The following NKIRAS2 variants were observed in gnomAD, a reference collection of about 807,000 sequenced individuals.
NKIRAS2 encodes NF-kappa-B inhibitor-interacting Ras-like protein 2.
Under a neutral mutation model 20.7 loss-of-function variants are expected in NKIRAS2, and 15 were observed. The observed-to-expected ratio is 0.73, with a 90% CI of 0.49 to 1.12. NKIRAS2 has a LOEUF of 1.12. NKIRAS2 is among the 50% of genes most tolerant of loss of function. The pLI, the probability that NKIRAS2 is intolerant of heterozygous loss-of-function variation, is 0.00. For synonymous variants in NKIRAS2, 116 were observed against 101.4 expected (o/e 1.14, Z -0.87); for missense variants, 196 against 249.6 (o/e 0.79, Z 1.45).
Position 42,021,621 on chromosome 17 carries a change from TG to T in NKIRAS2, c.47del (p.Gly16AlafsTer15). ...GTGGTCGTGTGTGGCCAGGCGTCTGTGGGCAAAACTTCAATCCTGGAGCAGC... is the reference window on the plus strand; with the variant it reads ...GTGGTCGTGTGTGGCCAGGCGTCTGTGGCAAAACTTCAATCCTGGAGCAGC... ...CKVVVCGQAS[V>X]GKTSILEQLL... On this transcript the variant is annotated frameshift_variant, in exon 2 of 4. Coordinates refer to ENST00000393885, the MANE Select transcript of NKIRAS2 (RefSeq NM_017595.6). LOFTEE classifies it high-confidence loss of function. 1.2e-6 allele frequency: 2 copies of T among 1,614,180 alleles called. No individual in the cohort carries two copies. Among genetic ancestry groups the T allele is most frequent in the Non-Finnish European group, 1.7e-6 (2 of 1,180,022 alleles).
upstream of NKIRAS2, among the ~76,000 whole-genome samples, chr17:42,019,231 C>T (rs1439132478): frequency 6.6e-6 from 1 of 152,072 alleles, no homozygotes; most frequent in African/African-American, 2.4e-5. Context: ...TATGATCACA[C>T]CAATGTACTC....
At chr17:42,018,824 A>G (rs2052374953), upstream of NKIRAS2, among the ~76,000 whole-genome samples, 1 of 152,196 alleles carries the variant, frequency 6.6e-6, no homozygotes, top group Non-Finnish European at 1.5e-5. Context: ...CAGCTTCCAC[A>G]GCTGTATATC....
chr17:42,021,396 A>G (rs1203289764), intron 1 of NKIRAS2, 168 bp from the exon 2 acceptor site: 3 of 593,144 alleles, frequency 5.1e-6, no homozygotes, highest in Non-Finnish European at 9.2e-6. Flanking sequence ...CTGGAACTAT[A>G]CATTCAGTTT....
At chr17:42,022,832 C>T (rs1305777614) in intron 3 of NKIRAS2, among the ~76,000 whole-genome samples, 192 bp downstream of exon 3, 1 of 152,058 alleles carries the variant, frequency 6.6e-6, no homozygotes, top group Non-Finnish European at 1.5e-5. Flanking sequence ...CAAAAGAGGC[C>T]TCTTTGTGGT....
At position 42,024,021 on chromosome 17, in the gene NKIRAS2, C is replaced by T. The variant is rs951892562; in HGVS notation, c.*128C>T. The T allele has an allele frequency of 9.9e-6, 14 of 1,421,260 alleles. No individual in the cohort carries two copies. The highest frequency in any genetic ancestry group is 1.4e-5 in the South Asian group (1 of 70,680). The allele number at this position is 1,421,260 out of a possible 1,614,324, so 88.0% of individuals were successfully genotyped here. The stretch of plus-strand genomic sequence containing the variant: ...AGCCAGGGAGCTCCCCGCCAGGCCA[C>T]GCCCCAGCCACTTTGCTCCCTCTCA... On this transcript the variant is annotated 3_prime_UTR_variant, in exon 4 of 4. Coordinates refer to ENST00000393885, the MANE Select transcript of NKIRAS2 (RefSeq NM_017595.6).
In NKIRAS2 at chr17:42,024,682, G is replaced by A; in HGVS notation, c.*789G>A. 1 of 152,246 alleles carries A rather than the reference G, an allele frequency of 6.6e-6. No homozygotes were observed. Among genetic ancestry groups the A allele is most frequent in the South Asian group, 2.1e-4 (1 of 4,836 alleles). The allele number at this position is 152,246 out of a possible 1,614,324, so 9.4% of individuals were successfully genotyped here. ...CAGCTACCCGGGGAGGCTGAGGCAG[G>A]AGAATTGCTTGAACTCAGAAGGCGG... is the stretch of plus-strand genomic sequence containing the variant. On this transcript the variant is annotated 3_prime_UTR_variant, in exon 4 of 4. Transcript: ENST00000393885.
upstream of NKIRAS2, among the ~76,000 whole-genome samples, chr17:42,019,789 A>G (rs370770041): frequency 1.1e-4 from 17 of 152,382 alleles, no homozygotes; most frequent in East Asian, 1.2e-3. Context: ...GCCCTGCACC[A>G]GGCACAGACA....
At chr17:42,022,754 A>G (rs782045068) in intron 3 of NKIRAS2, 114 bp downstream of exon 3, 18 of 1,353,244 alleles carry the variant, frequency 1.3e-5, no homozygotes, top group Non-Finnish European at 1.8e-5. Flanking sequence ...GTTAGGAGCC[A>G]GAGGTGGGGT....
chr17:42,022,439 C>T lies in NKIRAS2; in HGVS notation c.135C>T (p.Gly45=). 1 of 1,600,090 alleles carries T rather than the reference C, an allele frequency of 6.2e-7. No individual in the cohort carries two copies. The highest frequency in any genetic ancestry group is 8.6e-7 in the Non-Finnish European group (1 of 1,168,944). Reference sequence around the variant, plus strand: ...AGACGCAGGAGGACATCTACGTGGGCTCCATTGAGACAGACCGGGGGGTGC... The same window carrying T: ...AGACGCAGGAGGACATCTACGTGGGTTCCATTGAGACAGACCGGGGGGTGC... ...MIETQEDIYV[G]SIETDRGVRE... Residue 45 remains glycine (G), a synonymous_variant, in exon 3 of 4, where the codon GGC becomes GGT. Coordinates refer to ENST00000393885, the MANE Select transcript of NKIRAS2 (RefSeq NM_017595.6).
rs1299259236 is a variant in NKIRAS2, at chr17:42,025,427, CTG to C, written c.*1537_*1538del. ...TGCAGAGTAAGCTTATTACCCACAA[CTG>C]TGCCCGCTTTGTGCTTCTAAGGTGC... On this transcript the variant is annotated 3_prime_UTR_variant, in exon 4 of 4. Transcript: ENST00000393885. 1.3e-5 allele frequency: 2 copies of C among 152,550 alleles called. No homozygotes were observed. Among genetic ancestry groups the C allele is most frequent in the African/African-American group, 2.4e-5 (1 of 41,406 alleles). 9.4% of individuals were successfully genotyped at this position (152,550 alleles called of 1,614,324 possible). A position where few individuals can be genotyped will look rare whatever the true frequency, so the allele number is the denominator to read the frequency against.
At chr17:42,019,068 C>G (rs965682343), upstream of NKIRAS2, among the ~76,000 whole-genome samples, 1 of 152,190 alleles carries the variant, frequency 6.6e-6, no homozygotes, top group Non-Finnish European at 1.5e-5. Flanking sequence ...TTTCCCAAAT[C>G]TATCTCCACC....
At chr17:42,018,480 T>C (rs1173581726), upstream of NKIRAS2, 1 of 152,236 alleles carries the variant, frequency 6.6e-6, no homozygotes, top group African/African-American at 2.4e-5. Flanking sequence ...GCTCATACTC[T>C]GCCTATCCCA....
chr17:42,019,866 G>A (rs1053277409), upstream of NKIRAS2, among the ~76,000 whole-genome samples: 18 of 152,238 alleles, frequency 1.2e-4, no homozygotes, highest in Non-Finnish European at 2.2e-4. Context: ...TACTCTGATC[G>A]CCTTTACAGA....
chr17:42,022,678 CAG>C, intron 3 of NKIRAS2, 38 bp downstream of exon 3: 2 of 1,588,110 alleles, frequency 1.3e-6, no homozygotes, highest in Non-Finnish European at 8.6e-7. Flanking sequence ...CCTCAGTGGT[CAG>C]AGAGTTTGGG....
chr17:42,024,107 C>T lies in NKIRAS2; in HGVS notation c.*214C>T, dbSNP rs1332035700. The T allele has an allele frequency of 3.0e-6, 2 of 657,822 alleles. No individual in the cohort carries two copies. Among genetic ancestry groups the T allele is most frequent in the South Asian group, 2.0e-5 (1 of 51,230 alleles). 40.7% of individuals were successfully genotyped at this position (657,822 alleles called of 1,614,324 possible). On this transcript the variant is annotated 3_prime_UTR_variant, in exon 4 of 4. Transcript: ENST00000393885. ...CCTTCCTCAGCCCTCCCAGCCTACT[C>T]CCCATCCCAGCTTTTAGAGGATCTG...
In NKIRAS2 at chr17:42,022,592, T is replaced by A; in HGVS notation, c.288T>A (p.Arg96=). The A allele has an allele frequency of 4.3e-6, 7 of 1,614,028 alleles. No homozygotes were observed. The highest frequency in any genetic ancestry group is 5.9e-6 in the Non-Finnish European group (7 of 1,179,960). Residue 96 remains arginine (R), a synonymous_variant, in exon 3 of 4, where the codon CGT becomes CGA. Transcript: ENST00000393885. ...YSTDSRESFQ[R]VELLKKEIDK... ...CAGATAGCAGAGAGTCTTTTCAGCGTGTGGAGCTGCTCAAGAAGGAGATTG... is the reference window on the plus strand; with the variant it reads ...CAGATAGCAGAGAGTCTTTTCAGCGAGTGGAGCTGCTCAAGAAGGAGATTG...
Position 42,024,988 on chromosome 17 carries a change from T to A in NKIRAS2, c.*1095T>A, listed in dbSNP as rs1555653946. The stretch of plus-strand genomic sequence containing the variant: ...GTTGCTTAGATGATCTCCTAGATCC[T>A]TTCCAGTTCTCTTGATTTCGTAAAG... On this transcript the variant is annotated 3_prime_UTR_variant, in exon 4 of 4. Transcript: ENST00000393885. 1 of 152,586 alleles carries A rather than the reference T, an allele frequency of 6.6e-6. No homozygotes were observed. Among genetic ancestry groups the A allele is most frequent in the Admixed American group, 6.5e-5 (1 of 15,274 alleles). 9.5% of individuals were successfully genotyped at this position (152,586 alleles called of 1,614,324 possible). A position where few individuals can be genotyped will look rare whatever the true frequency, so the allele number is the denominator to read the frequency against.
chr17:42,021,452 CTTCT>C (rs1598168958), intron 1 of NKIRAS2, 108 bp from the exon 2 acceptor site: 1 of 809,570 alleles, frequency 1.2e-6, no homozygotes, highest in East Asian at 2.5e-5. Context: ...GACGTTCTGC[CTTCT>C]GTTTTTTTGG....
Position 42,024,060 on chromosome 17 carries a change from C to A in NKIRAS2, c.*167C>A. On this transcript the variant is annotated 3_prime_UTR_variant, in exon 4 of 4. Transcript: ENST00000393885. ...TGCTCCCTCTCACCTCTGGGAAGTG[C>A]AAATACTCTTGGTTGACATCCCCTT... is the stretch of plus-strand genomic sequence containing the variant. The A allele has an allele frequency of 9.5e-7, 1 of 1,054,126 alleles. No homozygotes were observed. Among genetic ancestry groups the A allele is most frequent in the Non-Finnish European group, 1.3e-6 (1 of 751,782 alleles). 65.3% of individuals were successfully genotyped at this position (1,054,126 alleles called of 1,614,324 possible).
Sources: gnomAD v4.1 joint callset for allele counts (sites outside exome capture counted in the v4.1 genomes callset) on GRCh38, gnomAD v4.1.1 for gene constraint, MANE v1.5 for transcripts, NCBI Gene and HGNC (gene_info 2026-07-23, HGNC 2026-07-21) for gene names.